Variants in LATS1 observed in about 807,000 individuals in gnomAD.
The protein encoded by LATS1 is serine/threonine-protein kinase LATS1.
LATS1 carries 25 observed loss-of-function variants against 106.6 expected under a neutral mutation model. The ratio of observed to expected loss-of-function variants is 0.23; its 90% CI spans 0.17 to 0.33. The LOEUF (loss-of-function observed/expected upper bound fraction) is 0.33, where lower values mean the gene tolerates loss of function less well. LATS1 is among the 10% of genes least tolerant of loss of function. LATS1 has a pLI of 1.00. For missense variants in LATS1, 1,040 were observed against 1,382.6 expected (o/e 0.75, Z 3.93); for synonymous variants, 465 against 455.6 (o/e 1.02, Z -0.26).
chr6:149,708,135 T>C (rs1783888522), intron 1 of LATS1, among the ~76,000 whole-genome samples: 1 of 152,230 alleles, frequency 6.6e-6, no homozygotes, highest in African/African-American at 2.4e-5. Flanking sequence ...ATTATTTCCA[T>C]GAAACAATGT....
chr6:149,703,439 G>A (rs889022425), intron 1 of LATS1, among the ~76,000 whole-genome samples: 12 of 152,196 alleles, frequency 7.9e-5, no homozygotes, highest in Non-Finnish European at 1.5e-4. Context: ...TTGAAGGTGG[G>A]GTCTGGTGGG....
rs373483397 is a variant in LATS1, at chr6:149,683,779, G to A, written c.1310C>T (p.Ser437Phe). 1 of 1,613,788 alleles carries A rather than the reference G, an allele frequency of 6.2e-7. No individual in the cohort carries two copies. Residue 437 changes from serine (S) to phenylalanine (F), a missense_variant, in exon 4 of 8, where the codon TCT becomes TTT. Transcript: ENST00000543571. ...PGLQTNWPQS[S>F]SAPAQSSPSS... is the part of the protein sequence containing the mutation. ...CGGGGATGACTGGGCTGGAGCAGAA[G>A]ATGACTGAGGCCAATTTGTTTGCAG...
rs924142266 is a variant in LATS1 at position 149,680,394 on chromosome 6, A to G, written c.2074T>C (p.Tyr692His). 6.2e-7 allele frequency: 1 copy of G among 1,613,780 alleles called. No homozygotes were observed. The highest frequency in any genetic ancestry group is 1.3e-5 in the African/African-American group (1 of 75,028). The change falls in exon 5 of 8, where the codon TAC becomes CAC. Residue 692 changes from tyrosine to histidine, a missense_variant. Physicochemically the swap from Tyr to His is moderately conservative, Grantham distance 83. This residue lies in a region of LATS1 where 167 missense variants were observed against 332.1 expected (regional missense o/e 0.50). Coordinates refer to ENST00000543571, the MANE Select transcript of LATS1 (RefSeq NM_004690.4). ...RKMLCQKESN[Y>H]IRLKRAKMDK... Reference sequence around the variant, plus strand: ...ATTTTAGCCCTTTTAAGACGGATGTAATTAGATTCTTTTTGGCAAAGCATC... The same window carrying G: ...ATTTTAGCCCTTTTAAGACGGATGTGATTAGATTCTTTTTGGCAAAGCATC...
chr6:149,705,628 T>G (rs375486109), intron 1 of LATS1, among the ~76,000 whole-genome samples: 2 of 151,784 alleles, frequency 1.3e-5, no homozygotes. Flanking sequence ...AAAAGAAACA[T>G]AGTTTTGCTT....
At position 149,680,129 on chromosome 6, in the gene LATS1, A is replaced by T. The variant is rs1486725213; in HGVS notation, c.2339T>A (p.Phe780Tyr). Residue 780 changes from phenylalanine (F) to tyrosine (Y), a missense_variant, in exon 5 of 8, where the codon TTT becomes TAT. Transcript: ENST00000543571. ...YSFQDKDNLY[F>Y]VMDYIPGGDM... ...ACCCCCAGGAATGTAGTCCATTACAAAGTATAAATTGTCCTTATCTTGGAA... is the reference window on the plus strand; with the variant it reads ...ACCCCCAGGAATGTAGTCCATTACATAGTATAAATTGTCCTTATCTTGGAA... The T allele has an allele frequency of 1.2e-6, 2 of 1,613,620 alleles. No homozygotes were observed. Among genetic ancestry groups the T allele is most frequent in the Non-Finnish European group, 1.7e-6 (2 of 1,179,772 alleles).
Position 149,705,275 on chromosome 6 carries a change from T to G in LATS1, c.-140-3009A>C, listed in dbSNP as rs189556604. Among the ~76,000 whole-genome samples the G allele has an allele frequency of 2.1e-3, 321 of 152,320 alleles. 1 individual carries two copies. Among genetic ancestry groups the G allele is most frequent in the African/African-American group, 7.2e-3 (301 of 41,576 alleles). On this transcript the variant is annotated intron_variant, in intron 1 of 7. Transcript: ENST00000543571. ...AAGCTTTCCCAAAATATTAATTTAATAGCTTACTAATGAGTTTTTCTAAGC... is the reference window on the plus strand; with the variant it reads ...AAGCTTTCCCAAAATATTAATTTAAGAGCTTACTAATGAGTTTTTCTAAGC...
chr6:149,702,359 G>A (rs529896330), intron 1 of LATS1, 93 bp from the exon 2 acceptor site: 2 of 397,346 alleles, frequency 5.0e-6, no homozygotes, highest in Non-Finnish European at 8.9e-6. Flanking sequence ...GGGGTTAAGA[G>A]ATTCAGGTTA....
At chr6:149,686,549 G>A (rs1782385259) in intron 3 of LATS1, among the ~76,000 whole-genome samples, 1 of 152,122 alleles carries the variant, frequency 6.6e-6, no homozygotes. Context: ...AAGCTTTCCT[G>A]CCACCTCCTT....
At chr6:149,693,002 C>T (rs1236680226) in intron 3 of LATS1, among the ~76,000 whole-genome samples, 4 of 151,738 alleles carry the variant, frequency 2.6e-5, no homozygotes, top group East Asian at 4.0e-4. Flanking sequence ...TGGTGGCTCA[C>T]GCCTATAATC....
At chr6:149,674,376 C>T (rs1008238160) in intron 7 of LATS1, among the ~76,000 whole-genome samples, 2 of 151,746 alleles carry the variant, frequency 1.3e-5, no homozygotes, top group Non-Finnish European at 2.9e-5. Flanking sequence ...CCACACCCAG[C>T]CAAATTTTTT....
At chr6:149,704,860 A>T (rs11963610) in intron 1 of LATS1, among the ~76,000 whole-genome samples, 7,921 of 147,694 alleles carry the variant, frequency 0.054, 562 homozygotes, top group African/African-American at 0.16. Context: ...TTAATTTTTT[A>T]AAATTTATAT....
rs981589668 is a variant in LATS1, at chr6:149,662,509, A to G, written c.2884-271T>C. 3.3e-5 allele frequency among the ~76,000 whole-genome samples: 5 copies of G among 151,946 alleles called. No homozygotes were observed. In the East Asian group the frequency reaches 7.7e-4, roughly 23 times the overall value. ...TTCTACTCTGCCTCCCCTGTACCAT[A>G]TATTTATTTCTATCATATTTCTAAT... is the stretch of plus-strand genomic sequence containing the variant. On this transcript the variant is annotated intron_variant, in intron 7 of 7. Transcript: ENST00000543571.
At chr6:149,682,093 AG>A (rs1782066698) in intron 4 of LATS1, among the ~76,000 whole-genome samples, 1 of 67,754 alleles carries the variant, frequency 1.5e-5, no homozygotes, top group South Asian at 5.7e-4. Context: ...GCCTGGCGAC[AG>A]AGTGAGATGT....
chr6:149,686,953 T>C (rs532540073), intron 3 of LATS1, among the ~76,000 whole-genome samples: 2 of 152,338 alleles, frequency 1.3e-5, no homozygotes, highest in South Asian at 2.1e-4. Context: ...GTATTACTCA[T>C]ATCTGCTCTT....
chr6:149,709,472 GGCCTTTT>G, intron 1 of LATS1, among the ~76,000 whole-genome samples: 1 of 152,028 alleles, frequency 6.6e-6, no homozygotes, highest in Non-Finnish European at 1.5e-5. Context: ...TCCTTTCTCA[GGCCTTTT>G]GCCTGATCCA....
intron 1 of LATS1, among the ~76,000 whole-genome samples, chr6:149,702,724 T>C (rs1783534099): frequency 6.6e-6 from 1 of 152,170 alleles, no homozygotes; most frequent in Non-Finnish European, 1.5e-5. Flanking sequence ...CAGACTGGAG[T>C]GCAGTGGTGC....
In LATS1 at chr6:149,659,803, A is replaced by G. The variant is rs986176039; in HGVS notation, c.*1926T>C. 4.4e-6 allele frequency: 1 copy of G among 225,522 alleles called. No individual in the cohort carries two copies. Among genetic ancestry groups the G allele is most frequent in the African/African-American group, 2.2e-5 (1 of 45,008 alleles). 14.0% of individuals were successfully genotyped at this position (225,522 alleles called of 1,614,324 possible). A position where few individuals can be genotyped will look rare whatever the true frequency, so the allele number is the denominator to read the frequency against. On this transcript the variant is annotated 3_prime_UTR_variant, in exon 8 of 8. Coordinates refer to ENST00000543571, the MANE Select transcript of LATS1 (RefSeq NM_004690.4). The stretch of plus-strand genomic sequence containing the variant: ...ACCATGAGGTGAAGACTGCGATTTC[A>G]TGATAGCACATTGTTTTACAATTCT...
At chr6:149,669,531 G>A (rs1034858458) in intron 7 of LATS1, among the ~76,000 whole-genome samples, 1 of 151,888 alleles carries the variant, frequency 6.6e-6, no homozygotes, top group African/African-American at 2.4e-5. Flanking sequence ...AGGCCAACGT[G>A]GGAGGATTGC....
intron 1 of LATS1, among the ~76,000 whole-genome samples, chr6:149,714,860 A>G (rs1162627177): frequency 6.6e-6 from 1 of 152,198 alleles, no homozygotes; most frequent in African/African-American, 2.4e-5. Context: ...ATGGTATACA[A>G]TTGAATGAAT....
Sources: allele counts gnomAD v4.1 joint callset (sites outside exome capture counted in the v4.1 genomes callset), GRCh38; gene constraint gnomAD v4.1.1; regional missense constraint gnomAD v4.1.1; transcripts MANE v1.5; gene names NCBI Gene and HGNC (gene_info 2026-07-23, HGNC 2026-07-21).